TSHR: variants seen among roughly 807,000 people sequenced by gnomAD.
The protein encoded by TSHR is thyrotropin receptor.
TSHR carries 51 observed loss-of-function variants against 64.1 expected under a neutral mutation model. That is an observed-to-expected ratio of 0.80 (90% confidence interval 0.64 to 1.01). The LOEUF (loss-of-function observed/expected upper bound fraction) is 1.01. TSHR is among the 50% of genes least tolerant of loss of function. The probability of loss-of-function intolerance (pLI) is 0.00; values close to 1 mark genes in which losing one functional copy is unlikely to be tolerated. For missense variants in TSHR, 877 were observed against 942.8 expected (o/e 0.93, Z 0.91); for synonymous variants, 361 against 361.9 (o/e 1.00, Z 0.03).
At chr14:81,005,054 G>A (rs114649472) in intron 1 of TSHR, among the ~76,000 whole-genome samples, 1 of 152,176 alleles carries the variant, frequency 6.6e-6, no homozygotes, top group African/African-American at 2.4e-5. Context: ...GCAGAGCCTA[G>A]AGTTTGAAAA....
intron 8 of TSHR, among the ~76,000 whole-genome samples, chr14:81,118,721 T>G: frequency 6.6e-6 from 1 of 152,116 alleles, no homozygotes; most frequent in Non-Finnish European, 1.5e-5. Context: ...CATCGCCAAG[T>G]GAATCCTAAG....
chr14:81,092,032 C>T (rs933116922), intron 5 of TSHR, among the ~76,000 whole-genome samples: 3 of 152,214 alleles, frequency 2.0e-5, no homozygotes, highest in Non-Finnish European at 4.4e-5. Flanking sequence ...CAAAAGAGCT[C>T]AGTTCAAAAT....
At chr14:81,110,966 ATTAC>A (rs1890199726) in intron 8 of TSHR, among the ~76,000 whole-genome samples, 1 of 152,202 alleles carries the variant, frequency 6.6e-6, no homozygotes. Flanking sequence ...AAAAATATAT[ATTAC>A]TTATCTTCAT....
At position 81,087,895 on chromosome 14, in the gene TSHR, C is replaced by T. The variant is rs753282025; in HGVS notation, c.318-59C>T. On this transcript the variant is annotated intron_variant, in intron 3 of 9. Transcript: ENST00000298171. ...TTAAAACTGATTTATGTTGTTTTGT[C>T]TTTGATAAGAACAGATACGGATGCA... The T allele has an allele frequency of 2.7e-5, 34 of 1,277,652 alleles. No homozygotes were observed. The South Asian group carries it at 4.0e-4, about 15-fold the overall frequency. The allele number at this position is 1,277,652 out of a possible 1,614,324, so 79.1% of individuals were successfully genotyped here. A position where few individuals can be genotyped will look rare whatever the true frequency, so the allele number is the denominator to read the frequency against.
chr14:81,019,669 CTTA>C (rs1000234644), intron 1 of TSHR, among the ~76,000 whole-genome samples: 2 of 149,736 alleles, frequency 1.3e-5, no homozygotes, highest in Non-Finnish European at 3.0e-5. Flanking sequence ...TCCATGTGTT[CTTA>C]TTGTTCAACT....
At chr14:80,973,198 G>A (rs1007473954) in intron 1 of TSHR, among the ~76,000 whole-genome samples, 2 of 151,978 alleles carry the variant, frequency 1.3e-5, no homozygotes, top group African/African-American at 4.8e-5. Flanking sequence ...GAGGTCAGGA[G>A]ATCGAGACCA....
intron 3 of TSHR, among the ~76,000 whole-genome samples, chr14:81,081,278 GTA>G (rs962050723): frequency 2.0e-5 from 3 of 151,640 alleles, no homozygotes; most frequent in African/African-American, 7.3e-5. Flanking sequence ...ATGTATGTAT[GTA>G]TATATATATA....
At chr14:81,068,219 C>A in intron 2 of TSHR, 35 bp from the exon 3 acceptor site, 1 of 1,602,590 alleles carries the variant, frequency 6.2e-7, no homozygotes, top group Non-Finnish European at 8.5e-7. Context: ...ACCTTACTAA[C>A]TTTCTACTTT....
intron 3 of TSHR, among the ~76,000 whole-genome samples, chr14:81,072,830 T>TA (rs1483151148): frequency 7.3e-6 from 1 of 136,084 alleles, no homozygotes; most frequent in Non-Finnish European, 1.5e-5. Flanking sequence ...ACCCCGTCTC[T>TA]ACTAAAAATA....
intron 1 of TSHR, among the ~76,000 whole-genome samples, chr14:81,000,019 C>A (rs1310144124): frequency 6.7e-6 from 1 of 148,734 alleles, no homozygotes; most frequent in African/African-American, 2.5e-5. Flanking sequence ...GCAACTTCCA[C>A]CTCCTGGGTT....
At chr14:81,122,287 C>G (rs764740791) in intron 8 of TSHR, among the ~76,000 whole-genome samples, 38 of 151,750 alleles carry the variant, frequency 2.5e-4, no homozygotes, top group Admixed American at 4.6e-4. Flanking sequence ...AGGCGATCCA[C>G]CTGCCTAGGC....
At chr14:80,976,189 G>A (rs1887865982) in intron 1 of TSHR, among the ~76,000 whole-genome samples, 1 of 152,202 alleles carries the variant, frequency 6.6e-6, no homozygotes, top group Admixed American at 6.5e-5. Context: ...GGGATTACAG[G>A]CGTGAGCAAG....
At chr14:81,119,350 C>T (rs1242962928) in intron 8 of TSHR, among the ~76,000 whole-genome samples, 3 of 136,304 alleles carry the variant, frequency 2.2e-5, no homozygotes, top group South Asian at 5.4e-4. Context: ...CAAACAACCC[C>T]ATCAAAAAGT....
rs149200814 is a variant in TSHR, at chr14:81,077,316, C to G, written c.317+8988C>G. On this transcript the variant is annotated intron_variant, in intron 3 of 9. Coordinates refer to ENST00000298171, the MANE Select transcript of TSHR (RefSeq NM_000369.5). Reference sequence around the variant, plus strand: ...AAAAAATGAAACAATGTATTCTGAACATGCATTTTAAAAATAATGGATTGG... The same window carrying G: ...AAAAAATGAAACAATGTATTCTGAAGATGCATTTTAAAAATAATGGATTGG... Among the ~76,000 whole-genome samples, 183 of 152,284 alleles carry G rather than the reference C, an allele frequency of 1.2e-3. 1 individual carries two copies. Among genetic ancestry groups the G allele is most frequent in the African/African-American group, 4.1e-3 (171 of 41,568 alleles).
In TSHR at chr14:81,145,468, T is replaced by C. The variant is rs780576597; in HGVS notation, c.*1115T>C. On this transcript the variant is annotated 3_prime_UTR_variant, in exon 10 of 10. Coordinates refer to ENST00000298171, the MANE Select transcript of TSHR (RefSeq NM_000369.5). ...TTAAGTAAACATACTCGCCTGGATC[T>C]GAATCATTCATTTAATTACTAGATC... 1.7e-5 allele frequency: 4 copies of C among 231,732 alleles called. No homozygotes were observed. The highest frequency in any genetic ancestry group is 2.5e-5 in the Non-Finnish European group (3 of 117,852). 14.4% of individuals were successfully genotyped at this position (231,732 alleles called of 1,614,324 possible).
chr14:81,078,237 T>C (rs1250930901), intron 3 of TSHR, among the ~76,000 whole-genome samples: 1 of 152,258 alleles, frequency 6.6e-6, no homozygotes, highest in Non-Finnish European at 1.5e-5. Flanking sequence ...TTTCTGAGGT[T>C]TTATTTACTG....
rs183880169 is a variant in TSHR, at chr14:81,058,625, A to G, written c.171-3523A>G. 2.8e-3 allele frequency among the ~76,000 whole-genome samples: 419 copies of G among 152,340 alleles called. 3 individuals carry two copies. Among genetic ancestry groups the G allele is most frequent in the Non-Finnish European group, 4.0e-3 (269 of 68,030 alleles). ...AAGGCAAATAAAAAACAGCCTCTTC[A>G]GTACCTAGCATATTTTCATTAGAAA... On this transcript the variant is annotated intron_variant, in intron 1 of 9. Coordinates refer to ENST00000298171, the MANE Select transcript of TSHR (RefSeq NM_000369.5).
chr14:81,102,831 T>A, intron 7 of TSHR: 1 of 985,356 alleles, frequency 1.0e-6, no homozygotes, highest in South Asian at 4.7e-5. Flanking sequence ...GAATTTCTGG[T>A]AAAGGTTAAA....
chr14:81,062,285 CA>C lies in TSHR; in HGVS notation c.242+68del, dbSNP rs1237790470. On this transcript the variant is annotated intron_variant, in intron 2 of 9. Coordinates refer to ENST00000298171, the MANE Select transcript of TSHR (RefSeq NM_000369.5). ...ATGTTATTCTCTAAACGTGTTCTAT[CA>C]AGAAAAATACTTGGTATTATACTTG... 2.7e-5 allele frequency: 33 copies of C among 1,236,038 alleles called. No homozygotes were observed. In the Admixed American group the frequency reaches 6.0e-4, roughly 22 times the overall value. 76.6% of individuals were successfully genotyped at this position (1,236,038 alleles called of 1,614,324 possible).
Sources: allele counts gnomAD v4.1 joint callset (sites outside exome capture counted in the v4.1 genomes callset), GRCh38; gene constraint gnomAD v4.1.1; transcripts MANE v1.5; gene names NCBI Gene and HGNC (gene_info 2026-07-23, HGNC 2026-07-21).